NAA25: variants seen among roughly 807,000 people sequenced by gnomAD.
The protein encoded by NAA25 is N-alpha-acetyltransferase 25, NatB auxiliary subunit, also known as N-terminal acetyltransferase B complex subunit NAA25.
A neutral mutation model predicts 132.5 loss-of-function variants in NAA25; 30 were observed. The observed-to-expected ratio is 0.23, with a 90% CI of 0.17 to 0.31. NAA25 has a LOEUF of 0.31. Among genes scored for constraint, NAA25 ranks in the 10% least tolerant of loss-of-function variants. NAA25 has a pLI of 1.00. For synonymous variants in NAA25, 359 were observed against 401.9 expected (o/e 0.89, Z 1.28); for missense variants, 771 against 1,150.4 (o/e 0.67, Z 4.77).
chr12:112,081,811 T>C (rs752538009), intron 4 of NAA25, among the ~76,000 whole-genome samples: 4 of 152,158 alleles, frequency 2.6e-5, no homozygotes, highest in Non-Finnish European at 4.4e-5. Flanking sequence ...GCCAATCTAA[T>C]TCAAAAATTA....
intron 1 of NAA25, among the ~76,000 whole-genome samples, chr12:112,103,407 AG>A (rs2079321816): frequency 6.6e-6 from 1 of 152,224 alleles, no homozygotes; most frequent in Admixed American, 6.5e-5. Context: ...GTTATGAGCA[AG>A]GTTTTGGTAT....
intron 1 of NAA25, among the ~76,000 whole-genome samples, chr12:112,095,574 G>T (rs2079200766): frequency 6.6e-6 from 1 of 150,402 alleles, no homozygotes. Context: ...CAGCCTGGGT[G>T]GCAGAGCAAG....
intron 11 of NAA25, among the ~76,000 whole-genome samples, chr12:112,067,632 C>G (rs911656030): frequency 1.3e-5 from 2 of 152,068 alleles, no homozygotes; most frequent in Non-Finnish European, 2.9e-5. Context: ...ATCACTGGAA[C>G]CCAGGAGGTA....
intron 7 of NAA25, among the ~76,000 whole-genome samples, 153 bp from the exon 8 acceptor site, chr12:112,075,942 G>A (rs1555236766): frequency 1.3e-5 from 2 of 152,070 alleles, no homozygotes; most frequent in African/African-American, 2.4e-5. Context: ...GAGTGCAATG[G>A]CACGATCTTG....
Position 112,054,476 on chromosome 12 carries a change from G to A in NAA25, c.1540C>T (p.Arg514Ter). 6.2e-7 allele frequency: 1 copy of A among 1,614,080 alleles called. No individual in the cohort carries two copies. The highest frequency in any genetic ancestry group is 8.5e-7 in the Non-Finnish European group (1 of 1,180,000). ...SNAQFKLLLVRIYCMLGAFEP... is the reference protein window; with the variant it reads ...SNAQFKLLLV ...AATGCACCCAGCATACAGTAGATTC[G>A]AACAAGCAGCAATTTGAACTGAGCA... Residue 514 changes from arginine to a stop codon, truncating the protein, a stop_gained, in exon 14 of 24, where the codon CGA becomes TGA. Coordinates refer to ENST00000261745, the MANE Select transcript of NAA25 (RefSeq NM_024953.4). LOFTEE classifies it high-confidence loss of function.
In NAA25 at chr12:112,054,257, T is replaced by C. The variant is rs2078511772; in HGVS notation, c.1628+131A>G. 8 of 778,598 alleles carry C rather than the reference T, an allele frequency of 1.0e-5. No individual in the cohort carries two copies. The South Asian group carries it at 1.6e-4, about 15-fold the overall frequency. 48.2% of individuals were successfully genotyped at this position (778,598 alleles called of 1,614,324 possible). ...ATATAAAAATCTTTCTGGTTTGCAA[T>C]GGATCATAACAGGTTATTATTTAAT... On this transcript the variant is annotated intron_variant, in intron 14 of 23. Transcript: ENST00000261745.
intron 22 of NAA25, among the ~76,000 whole-genome samples, chr12:112,038,790 G>A (rs1321898972): frequency 1.3e-5 from 2 of 152,122 alleles, no homozygotes; most frequent in African/African-American, 4.8e-5. Context: ...GACCAGCCTG[G>A]CCAACAGGGA....
chr12:112,055,237 A>G (rs1006039648), intron 13 of NAA25, among the ~76,000 whole-genome samples: 3 of 152,200 alleles, frequency 2.0e-5, no homozygotes, highest in Non-Finnish European at 4.4e-5. Flanking sequence ...ACTTCGACAC[A>G]TGGAAATGTC....
chr12:112,047,691 A>C lies in NAA25; in HGVS notation c.1980T>G (p.Val660=). The C allele has an allele frequency of 1.9e-6, 3 of 1,613,488 alleles. No individual in the cohort carries two copies. The highest frequency in any genetic ancestry group is 2.5e-6 in the Non-Finnish European group (3 of 1,179,842). Residue 660 remains valine, a synonymous_variant, in exon 17 of 24, where the codon GTT becomes GTG. Coordinates refer to ENST00000261745, the MANE Select transcript of NAA25 (RefSeq NM_024953.4). ...EDLRDNRDLN[V]FFSWDPKDRD... ...TGTCTTTTGGATCCCAGCTGAAAAA[A>C]ACATTTAAGTCTCTGTTGTCTCGCA...
chr12:112,105,919 T>C (rs2079356088), intron 1 of NAA25, among the ~76,000 whole-genome samples: 2 of 152,220 alleles, frequency 1.3e-5, no homozygotes, highest in African/African-American at 4.8e-5. Context: ...CTGATAGTTG[T>C]TGAATTTTTG....
At chr12:112,048,563 G>A in intron 15 of NAA25, 120 bp from the exon 16 acceptor site, 1 of 794,178 alleles carries the variant, frequency 1.3e-6, no homozygotes, top group Non-Finnish European at 2.0e-6. Context: ...AATCTTTAAA[G>A]GTCTTGGTCA....
At chr12:112,072,143 TAAAA>T in intron 9 of NAA25, 79 bp from the exon 10 acceptor site, 1 of 1,076,826 alleles carries the variant, frequency 9.3e-7, no homozygotes, top group Non-Finnish European at 1.3e-6. Flanking sequence ...CAAACTCATT[TAAAA>T]AGAGAAAAAC....
At chr12:112,033,486 A>T (rs1297412171) in intron 22 of NAA25, 107 bp from the exon 23 acceptor site, 1 of 1,071,732 alleles carries the variant, frequency 9.3e-7, no homozygotes, top group Non-Finnish European at 1.3e-6. Flanking sequence ...GTGGCATTTC[A>T]AACCAGTGGT....
intron 12 of NAA25, among the ~76,000 whole-genome samples, 156 bp from the exon 13 acceptor site, chr12:112,060,515 G>A (rs989660996): frequency 6.6e-6 from 1 of 152,114 alleles, no homozygotes; most frequent in Non-Finnish European, 1.5e-5. Context: ...TATAAGCCAC[G>A]ATTCAAAGGG....
Position 112,026,810 on chromosome 12 carries a change from G to A in NAA25, c.*2721C>T, listed in dbSNP as rs1318512560. On this transcript the variant is annotated 3_prime_UTR_variant, in exon 24 of 24. Transcript: ENST00000261745. ...TATATTAATAAATCACATCAAATAA[G>A]TAGGAAGTTTCAATAACAAGCCTGT... The A allele has an allele frequency of 6.6e-6, 1 of 152,188 alleles. No individual in the cohort carries two copies. The highest frequency in any genetic ancestry group is 1.5e-5 in the Non-Finnish European group (1 of 68,028). The allele number at this position is 152,188 out of a possible 1,614,324, so 9.4% of individuals were successfully genotyped here.
intron 5 of NAA25, among the ~76,000 whole-genome samples, chr12:112,079,461 G>A (rs2078939169): frequency 6.6e-6 from 1 of 152,010 alleles, no homozygotes; most frequent in South Asian, 2.1e-4. Flanking sequence ...TGTGTGTGGT[G>A]GTGCATGCTT....
intron 1 of NAA25, among the ~76,000 whole-genome samples, chr12:112,105,828 T>C (rs1426096449): frequency 6.6e-6 from 1 of 152,238 alleles, no homozygotes; most frequent in East Asian, 1.9e-4. Flanking sequence ...TTGAGCAAGT[T>C]AATCTCTAGG....
intron 2 of NAA25, among the ~76,000 whole-genome samples, chr12:112,092,681 C>T (rs552811894): frequency 1.3e-5 from 2 of 149,308 alleles, no homozygotes; most frequent in African/African-American, 2.5e-5. Flanking sequence ...TTCTCCCCCC[C>T]CTTTTTTTTT....
intron 18 of NAA25, 74 bp from the exon 19 acceptor site, chr12:112,043,285 TAG>T: frequency 1.4e-6 from 2 of 1,461,018 alleles, no homozygotes; most frequent in African/African-American, 1.4e-5. Context: ...ATCAGGTAAC[TAG>T]TAGATAAAAA....
Sources: allele counts gnomAD v4.1 joint callset (sites outside exome capture counted in the v4.1 genomes callset), GRCh38; gene constraint gnomAD v4.1.1; transcripts MANE v1.5; gene names NCBI Gene and HGNC (gene_info 2026-07-23, HGNC 2026-07-21).